BMP6: variants seen among roughly 807,000 people sequenced by gnomAD.
BMP6 encodes VG-1-R.
Under a neutral mutation model 54.1 loss-of-function variants are expected in BMP6, and 17 were observed. The ratio of observed to expected loss-of-function variants is 0.31; its 90% CI spans 0.22 to 0.47. The LOEUF is 0.47. Among genes scored for constraint, BMP6 ranks in the 20% least tolerant of loss-of-function variants. The pLI is 1.00. For missense variants in BMP6, 720 were observed against 690.4 expected, an observed-to-expected ratio of 1.04 and a Z score of -0.48; for synonymous variants, 328 against 291.2, an observed-to-expected ratio of 1.13 and a Z score of -1.28.
intron 1 of BMP6, among the ~76,000 whole-genome samples, chr6:7,767,337 C>T (rs1757708931): frequency 6.6e-6 from 1 of 152,182 alleles, no homozygotes; most frequent in African/African-American, 2.4e-5. Context: ...TAGCAACAAT[C>T]TTCCAATGAG....
intron 1 of BMP6, among the ~76,000 whole-genome samples, chr6:7,749,711 C>T (rs759901187): frequency 5.3e-5 from 8 of 152,148 alleles, no homozygotes; most frequent in Non-Finnish European, 1.0e-4. Flanking sequence ...TGAGTGCAGA[C>T]GGGACACCGT....
intron 1 of BMP6, among the ~76,000 whole-genome samples, chr6:7,786,570 C>G (rs1029020954): frequency 3.3e-5 from 5 of 151,510 alleles, no homozygotes; most frequent in Non-Finnish European, 7.4e-5. Flanking sequence ...ATGACATTCT[C>G]CCAACCAGCA....
chr6:7,879,273 A>T, intron 5 of BMP6, 123 bp downstream of exon 5: 1 of 1,007,800 alleles, frequency 9.9e-7, no homozygotes, highest in Non-Finnish European at 1.5e-6. Flanking sequence ...CTTCTGTGGA[A>T]GTCCTGAGGA....
At chr6:7,850,206 G>A (rs184057441) in intron 2 of BMP6, among the ~76,000 whole-genome samples, 5 of 152,086 alleles carry the variant, frequency 3.3e-5, no homozygotes, top group African/African-American at 1.2e-4. Context: ...GCAGTGGTGC[G>A]ATCTCGGCTC....
At chr6:7,823,325 G>T (rs955187396) in intron 1 of BMP6, among the ~76,000 whole-genome samples, 1 of 152,122 alleles carries the variant, frequency 6.6e-6, no homozygotes, top group South Asian at 2.1e-4. Context: ...GCATTGGACA[G>T]CTCTTTGAGA....
At chr6:7,789,900 T>C (rs1310826228) in intron 1 of BMP6, among the ~76,000 whole-genome samples, 1 of 152,138 alleles carries the variant, frequency 6.6e-6, no homozygotes, top group Non-Finnish European at 1.5e-5. Flanking sequence ...CTGATTATGG[T>C]AGACTGATTT....
At chr6:7,762,241 G>A (rs756731215) in intron 1 of BMP6, among the ~76,000 whole-genome samples, 10 of 152,192 alleles carry the variant, frequency 6.6e-5, no homozygotes, top group Non-Finnish European at 1.3e-4. Context: ...TTTCTTAAAA[G>A]GAAGGGGTTG....
chr6:7,856,610 T>TTTTTTTTTTTTTTTTTTTTTGTTTTTG (rs1477184469), intron 2 of BMP6, among the ~76,000 whole-genome samples: 1 of 122,154 alleles, frequency 8.2e-6, no homozygotes, highest in Non-Finnish European at 1.7e-5. Flanking sequence ...TTTTTTTTTT[T>TTTTTTTTTTTTTTTTTTTTTGTTTTTG]TTTTGAGACG....
At chr6:7,827,328 AGAT>A (rs1758713031) in intron 1 of BMP6, among the ~76,000 whole-genome samples, 1 of 152,182 alleles carries the variant, frequency 6.6e-6, no homozygotes, top group Non-Finnish European at 1.5e-5. Context: ...CTTTATACTG[AGAT>A]ACTCTCTCCA....
At chr6:7,833,623 A>G (rs1269582097) in intron 1 of BMP6, among the ~76,000 whole-genome samples, 1 of 152,238 alleles carries the variant, frequency 6.6e-6, no homozygotes, top group Admixed American at 6.5e-5. Context: ...TGAGTAGCAC[A>G]GGGAAGCCAC....
At chr6:7,756,183 G>GC (rs1294519294) in intron 1 of BMP6, among the ~76,000 whole-genome samples, 1 of 151,840 alleles carries the variant, frequency 6.6e-6, no homozygotes, top group Non-Finnish European at 1.5e-5. Context: ...TATATCTCAC[G>GC]CTTCAGTGTT....
At chr6:7,788,745 C>T (rs1374706803) in intron 1 of BMP6, among the ~76,000 whole-genome samples, 1 of 152,114 alleles carries the variant, frequency 6.6e-6, no homozygotes, top group Non-Finnish European at 1.5e-5. Flanking sequence ...AATGTGTTAA[C>T]ATGTCATTTC....
chr6:7,782,947 G>T (rs116430294), intron 1 of BMP6, among the ~76,000 whole-genome samples: 1,832 of 152,240 alleles, frequency 0.012, 23 homozygotes, highest in African/African-American at 0.029. Flanking sequence ...CTGAAACTTG[G>T]TTATTGAACT....
At chr6:7,812,894 G>T (rs966179731) in intron 1 of BMP6, among the ~76,000 whole-genome samples, 6 of 150,240 alleles carry the variant, frequency 4.0e-5, no homozygotes, top group African/African-American at 1.5e-4. Context: ...CCAGGTCTGG[G>T]CTTTTCCTGG....
intron 1 of BMP6, among the ~76,000 whole-genome samples, chr6:7,766,988 GTTTGTT>G (rs1312906338): frequency 3.2e-4 from 29 of 91,208 alleles, no homozygotes; most frequent in South Asian, 9.9e-4. Context: ...ATGATAGTTT[GTTTGTT>G]TTTTTTTTTT....
At chr6:7,813,445 AT>A (rs1263152908) in intron 1 of BMP6, among the ~76,000 whole-genome samples, 2 of 95,466 alleles carry the variant, frequency 2.1e-5, no homozygotes, top group African/African-American at 8.6e-5. Context: ...ACATAGTGAG[AT>A]CCCTGTCTCT....
intron 2 of BMP6, among the ~76,000 whole-genome samples, chr6:7,858,233 A>G (rs919081533): frequency 2.6e-5 from 4 of 152,088 alleles, no homozygotes; most frequent in African/African-American, 7.2e-5. Flanking sequence ...ACAGGAGTAC[A>G]CTATCATGCC....
intron 1 of BMP6, among the ~76,000 whole-genome samples, chr6:7,841,690 G>A: frequency 6.6e-6 from 1 of 152,166 alleles, no homozygotes. Context: ...AGACGGTAAT[G>A]GGATGGGCGT....
chr6:7,770,627 G>A (rs1757768527), intron 1 of BMP6, among the ~76,000 whole-genome samples: 2 of 152,188 alleles, frequency 1.3e-5, no homozygotes, highest in Non-Finnish European at 2.9e-5. Flanking sequence ...CCCACACCCG[G>A]CCCTAAAAGC....
Sources: allele counts gnomAD v4.1 joint callset (sites outside exome capture counted in the v4.1 genomes callset), GRCh38; gene constraint gnomAD v4.1.1; transcripts MANE v1.5; gene names NCBI Gene and HGNC (gene_info 2026-07-23, HGNC 2026-07-21).